ARMC3: variants seen among roughly 807,000 people sequenced by gnomAD.
ARMC3 encodes armadillo repeat-containing protein 3.
Under a neutral mutation model 90.3 loss-of-function variants are expected in ARMC3, and 74 were observed. The observed-to-expected ratio is 0.82, with a 90% CI of 0.68 to 0.99. The LOEUF (loss-of-function observed/expected upper bound fraction) is 0.99, where lower values mean the gene tolerates loss of function less well. ARMC3 is among the 50% of genes least tolerant of loss of function. The pLI is 0.00. For missense variants in ARMC3, 958 were observed against 1,042.8 expected (o/e 0.92, Z 1.12); for synonymous variants, 334 against 361.8 (o/e 0.92, Z 0.87).
At chr10:23,019,191 G>A (rs993209984) in intron 16 of ARMC3, among the ~76,000 whole-genome samples, 1 of 152,228 alleles carries the variant, frequency 6.6e-6, no homozygotes, top group Non-Finnish European at 1.5e-5. Context: ...TTTGTGTCAA[G>A]CTGTTTAGGG....
intron 16 of ARMC3, among the ~76,000 whole-genome samples, chr10:23,016,603 A>G (rs1838282915): frequency 6.6e-6 from 1 of 152,190 alleles, no homozygotes; most frequent in Non-Finnish European, 1.5e-5. Context: ...GTTTATTTCC[A>G]TATGCATGAA....
At chr10:22,944,102 A>G (rs1341714860) in intron 2 of ARMC3, among the ~76,000 whole-genome samples, 2 of 152,112 alleles carry the variant, frequency 1.3e-5, no homozygotes, top group African/African-American at 2.4e-5. Context: ...TTAAGAGTGT[A>G]TGGTTGATAT....
chr10:22,953,034 TGAG>T (rs1358331699), intron 3 of ARMC3, among the ~76,000 whole-genome samples: 3 of 152,162 alleles, frequency 2.0e-5, no homozygotes, highest in African/African-American at 7.2e-5. Context: ...GACTTTGAGA[TGAG>T]GAGATTACCT....
chr10:22,969,209 TAATAC>T (rs1298842578), intron 8 of ARMC3, among the ~76,000 whole-genome samples: 1 of 152,188 alleles, frequency 6.6e-6, no homozygotes, highest in African/African-American at 2.4e-5. Flanking sequence ...ACTATATACA[TAATAC>T]AATTTGCATT....
chr10:22,952,692 G>C (rs1247702340), intron 3 of ARMC3, among the ~76,000 whole-genome samples: 4 of 151,956 alleles, frequency 2.6e-5, no homozygotes, highest in Non-Finnish European at 5.9e-5. Context: ...CACCACTACT[G>C]TATAAAGGCC....
chr10:22,994,373 G>A (rs144943096), intron 10 of ARMC3, among the ~76,000 whole-genome samples: 5 of 152,266 alleles, frequency 3.3e-5, no homozygotes, highest in South Asian at 4.1e-4. Flanking sequence ...AGTGGGGGCC[G>A]CTTGTGTAAG....
chr10:23,030,785 G>A lies in ARMC3; in HGVS notation c.2235G>A (p.Glu745=), dbSNP rs751419682. 62 of 1,613,248 alleles carry A rather than the reference G, an allele frequency of 3.8e-5. No individual in the cohort carries two copies. The highest frequency in any genetic ancestry group is 5.3e-5 in the African/African-American group (4 of 74,856). ...LPITNIKEQI[E]DLAKYVAEKM... is the part of the protein sequence containing the mutation. ...TAACCAATATTAAGGAACAGATTGA[G>A]GATCTGGCAAAGTAAGTTGTCTATG... Residue 745 remains glutamate (E), a synonymous_variant, in exon 17 of 19, where the codon GAG becomes GAA. Coordinates refer to ENST00000298032, the MANE Select transcript of ARMC3 (RefSeq NM_173081.5).
chr10:22,945,696 AT>A (rs1180267788), intron 2 of ARMC3, among the ~76,000 whole-genome samples: 1 of 152,198 alleles, frequency 6.6e-6, no homozygotes, highest in Non-Finnish European at 1.5e-5. Context: ...GATTGTGTAT[AT>A]TGAGTAAGCA....
intron 16 of ARMC3, chr10:23,014,520 T>C (rs1838177088): frequency 5.0e-6 from 5 of 1,001,726 alleles, no homozygotes; most frequent in African/African-American, 1.7e-5. Flanking sequence ...TTAAAAAGAG[T>C]GAGACAATAG....
chr10:23,008,782 G>A, intron 15 of ARMC3, 33 bp from the exon 16 acceptor site: 1 of 1,542,174 alleles, frequency 6.5e-7, no homozygotes, highest in Non-Finnish European at 8.9e-7. Context: ...CCATATGATT[G>A]AAATTGGTTG....
At chr10:22,936,658 T>C (rs1834123137) in intron 2 of ARMC3, among the ~76,000 whole-genome samples, 1 of 152,220 alleles carries the variant, frequency 6.6e-6, no homozygotes, top group African/African-American at 2.4e-5. Context: ...GGAAAGCAGA[T>C]GGGATATGTA....
Position 23,008,301 on chromosome 10 carries a change from A to G in ARMC3, c.1855A>G (p.Lys619Glu), listed in dbSNP as rs1395651442. 1 of 1,548,538 alleles carries G rather than the reference A, an allele frequency of 6.5e-7. No homozygotes were observed. ...YVSPPSSMED[K>E]SDVGYGRSIS... is the part of the protein sequence containing the mutation. ...TTCTCCACCTTCATCTATGGAAGAT[A>G]AATCAGATGTTGGTTATGGACGAAG... Residue 619 changes from lysine (K) to glutamate (E), a missense_variant, in exon 15 of 19, where the codon AAA (lysine) becomes GAA (glutamate). Transcript: ENST00000298032.
chr10:22,975,102 C>A (rs1472064409), intron 8 of ARMC3, among the ~76,000 whole-genome samples: 2 of 152,136 alleles, frequency 1.3e-5, no homozygotes, highest in Admixed American at 6.5e-5. Context: ...CTCAAATTAA[C>A]CAGAGTATAT....
chr10:22,961,691 A>G (rs1408501401), intron 6 of ARMC3, 193 bp from the exon 7 acceptor site: 3 of 548,862 alleles, frequency 5.5e-6, no homozygotes, highest in African/African-American at 1.9e-5. Flanking sequence ...CAATGTCTAC[A>G]TATTACAGTT....
chr10:22,946,032 A>G lies in ARMC3; in HGVS notation c.49-112A>G, dbSNP rs542242960. 4.1e-4 allele frequency: 300 copies of G among 723,494 alleles called. 1 individual carries two copies. The African/African-American group carries it at 4.4e-3, about 11-fold the overall frequency. 44.8% of individuals were successfully genotyped at this position (723,494 alleles called of 1,614,324 possible). On this transcript the variant is annotated intron_variant, in intron 2 of 18. Coordinates refer to ENST00000298032, the MANE Select transcript of ARMC3 (RefSeq NM_173081.5). ...TTTGCAGTGCACTTATTGGGCAGTGACCACATCCTTTTTGCAAGATTACAT... is the reference window on the plus strand; with the variant it reads ...TTTGCAGTGCACTTATTGGGCAGTGGCCACATCCTTTTTGCAAGATTACAT...
Position 22,959,148 on chromosome 10 carries a change from C to T in ARMC3, c.361+10C>T. 1 of 1,605,984 alleles carries T rather than the reference C, an allele frequency of 6.2e-7. No homozygotes were observed. Among genetic ancestry groups the T allele is most frequent in the South Asian group, 1.1e-5 (1 of 90,898 alleles). On this transcript the variant is annotated intron_variant, in intron 5 of 18. Transcript: ENST00000298032. ...CAGCTCGCTCCAGAAGGTAACTTTG[C>T]ATTCTATATCTGTTTTAAAAAATGG...
At chr10:22,961,811 A>G in intron 6 of ARMC3, 73 bp from the exon 7 acceptor site, 1 of 1,286,702 alleles carries the variant, frequency 7.8e-7, no homozygotes, top group Non-Finnish European at 1.1e-6. Flanking sequence ...CTTGTGTTAG[A>G]AAACAGAATT....
At chr10:22,995,549 A>C (rs1836911275) in intron 10 of ARMC3, among the ~76,000 whole-genome samples, 1 of 152,322 alleles carries the variant, frequency 6.6e-6, no homozygotes, top group East Asian at 1.9e-4. Flanking sequence ...TTTTTTAAAC[A>C]CCTAGTTTTT....
At chr10:23,027,065 T>A (rs923619837) in intron 16 of ARMC3, among the ~76,000 whole-genome samples, 1 of 152,210 alleles carries the variant, frequency 6.6e-6, no homozygotes, top group African/African-American at 2.4e-5. Context: ...TCTTCCCACT[T>A]TATTTTTCTT....
Sources: gnomAD v4.1 joint callset for allele counts (sites outside exome capture counted in the v4.1 genomes callset) on GRCh38, gnomAD v4.1.1 for gene constraint, MANE v1.5 for transcripts, NCBI Gene and HGNC (gene_info 2026-07-23, HGNC 2026-07-21) for gene names.